The following CCDC150 variants were observed in gnomAD, a reference collection of about 807,000 sequenced individuals.
The protein encoded by CCDC150 is coiled-coil domain containing 150.
CCDC150 carries 151 observed loss-of-function variants against 156.5 expected under a neutral mutation model. The ratio of observed to expected loss-of-function variants is 0.97; its 90% confidence interval spans 0.85 to 1.10. The LOEUF (loss-of-function observed/expected upper bound fraction) is 1.10, where lower values mean the gene tolerates loss of function less well. Ranked by LOEUF, CCDC150 falls within the 50% of genes least tolerant of loss-of-function variation. The probability of loss-of-function intolerance (pLI) is 0.00; values close to 1 mark genes in which losing one functional copy is unlikely to be tolerated. For synonymous variants in CCDC150, 452 were observed against 429.4 expected, an observed-to-expected ratio of 1.05 and a Z score of -0.65; for missense variants, 1,312 against 1,268.1, an observed-to-expected ratio of 1.03 and a Z score of -0.53.
Position 196,674,313 on chromosome 2 carries a change from GC to G in CCDC150, c.1104del (p.Arg369GlufsTer12). 1 of 1,603,368 alleles carries G rather than the reference GC, an allele frequency of 6.2e-7. No individual in the cohort carries two copies. The highest frequency in any genetic ancestry group is 8.5e-7 in the Non-Finnish European group (1 of 1,174,538). On this transcript the variant is annotated frameshift_variant, in exon 10 of 28. Transcript: ENST00000389175. LOFTEE classifies it high-confidence loss of function. ...GCTTCAGACTGTTACTATGGAAAAAGCCAGAATCATTGCTGACCATCAGGCC... is the reference window on the plus strand; with the variant it reads ...GCTTCAGACTGTTACTATGGAAAAAGCAGAATCATTGCTGACCATCAGGCC... ...CMLQTVTMEK[A>X]RIIADHQAIL...
intron 19 of CCDC150, 195 bp downstream of exon 19, chr2:196,719,861 C>T: frequency 2.4e-6 from 1 of 421,180 alleles, no homozygotes; most frequent in Non-Finnish European, 4.2e-6. Flanking sequence ...ATTCAAAATG[C>T]CCCTATTGTG....
chr2:196,646,358 A>G lies in CCDC150; in HGVS notation c.30A>G (p.Thr10=). Residue 10 remains threonine, a synonymous_variant, in exon 2 of 28, where the codon ACA becomes ACG. Transcript: ENST00000389175. ...ATTCTTAGGTACATATGGAAACTAC[A>G]GTGTCCAGACCGGTCCTTTCTCCAA... MDCKVHMET[T]VSRPVLSPTH... is the part of the protein sequence containing the mutation. 1 of 1,613,838 alleles carries G rather than the reference A, an allele frequency of 6.2e-7. No individual in the cohort carries two copies.
chr2:196,643,400 G>A (rs1692352380), intron 1 of CCDC150, among the ~76,000 whole-genome samples: 1 of 151,546 alleles, frequency 6.6e-6, no homozygotes, highest in Admixed American at 6.6e-5. Flanking sequence ...TTCCTACCGC[G>A]ACATGTTGGA....
At chr2:196,659,148 G>A (rs1341703306) in intron 5 of CCDC150, among the ~76,000 whole-genome samples, 2 of 152,068 alleles carry the variant, frequency 1.3e-5, no homozygotes, top group African/African-American at 4.8e-5. Flanking sequence ...ATAGTTAAGT[G>A]GACACTTTCT....
At chr2:196,702,646 C>T (rs1274257804) in intron 15 of CCDC150, among the ~76,000 whole-genome samples, 2 of 151,720 alleles carry the variant, frequency 1.3e-5, no homozygotes, top group African/African-American at 2.4e-5. Flanking sequence ...GCTGGGATTA[C>T]AAGAGACTTC....
At chr2:196,717,224 G>A (rs1460077767) in intron 17 of CCDC150, among the ~76,000 whole-genome samples, 3 of 151,852 alleles carry the variant, frequency 2.0e-5, no homozygotes, top group African/African-American at 7.3e-5. Context: ...TAGAAATAGA[G>A]AACAAATTAC....
rs760131851 is a variant in CCDC150, at chr2:196,666,743, A to C, written c.787A>C (p.Ile263Leu). The C allele has an allele frequency of 5.0e-6, 8 of 1,606,302 alleles. No individual in the cohort carries two copies. The African/African-American group carries it at 6.7e-5, about 14-fold the overall frequency. Residue 263 changes from isoleucine to leucine, a missense_variant, in exon 7 of 28, where the codon ATT becomes CTT. By Grantham distance (5) the Ile-to-Leu change is conservative. Coordinates refer to ENST00000389175, the MANE Select transcript of CCDC150 (RefSeq NM_001080539.2). ...KQVHILQQNC[I>L]ALRDSIQSAQ... Reference sequence around the variant, plus strand: ...GGTGCACATTTTGCAGCAAAACTGCATTGCTCTACGTGATTCTATACAGAG... The same window carrying C: ...GGTGCACATTTTGCAGCAAAACTGCCTTGCTCTACGTGATTCTATACAGAG...
chr2:196,673,251 C>A (rs1464668417), intron 9 of CCDC150, among the ~76,000 whole-genome samples: 1 of 152,078 alleles, frequency 6.6e-6, no homozygotes, highest in African/African-American at 2.4e-5. Context: ...GAAATGGAAA[C>A]TTATTCACAT....
Position 196,725,982 on chromosome 2 carries a change from G to T in CCDC150, c.2439G>T (p.Met813Ile). 3 of 1,597,294 alleles carry T rather than the reference G, an allele frequency of 1.9e-6. No individual in the cohort carries two copies. In the South Asian group the frequency reaches 3.4e-5, roughly 18 times the overall value. The part of the protein sequence containing the change: ...RQNLETFKDR[M>I]TEESKVEAEL... ...CTCTTCTTCAAAACAGAGACCGGAT[G>T]ACTGAAGAGTCCAAAGTGGAAGCAG... Residue 813 changes from methionine (M) to isoleucine (I), a missense_variant, in exon 22 of 28, where the codon ATG becomes ATT. Transcript: ENST00000389175.
chr2:196,732,369 G>A (rs553819426), intron 27 of CCDC150, 77 bp from the exon 28 acceptor site: 1 of 1,197,524 alleles, frequency 8.4e-7, no homozygotes, highest in East Asian at 2.3e-5. Context: ...TAGATGACAT[G>A]TGTAGAGGCA....
At chr2:196,647,153 GAATA>G (rs1692596084) in intron 2 of CCDC150, among the ~76,000 whole-genome samples, 1 of 151,966 alleles carries the variant, frequency 6.6e-6, no homozygotes, top group South Asian at 2.1e-4. Flanking sequence ...AATACCCATG[GAATA>G]AATAACCCTT....
At chr2:196,721,485 A>G (rs1478574394) in intron 20 of CCDC150, 37 bp from the exon 21 acceptor site, 10 of 1,545,914 alleles carry the variant, frequency 6.5e-6, no homozygotes, top group Non-Finnish European at 8.8e-6. Context: ...GCATCTGTCC[A>G]TTACAGTGGA....
Position 196,726,024 on chromosome 2 carries a change from C to A in CCDC150, c.2481C>A (p.Arg827=), listed in dbSNP as rs778151641. ...TGGAAGCAGAATTGCATGCTGAACGCATAGAAGCTCTAAGAAAGCAGTTTC... is the reference window on the plus strand; with the variant it reads ...TGGAAGCAGAATTGCATGCTGAACGAATAGAAGCTCTAAGAAAGCAGTTTC... ...SKVEAELHAE[R]IEALRKQFQT... is the part of the protein sequence containing the mutation. Residue 827 remains arginine, a synonymous_variant, in exon 22 of 28, where the codon CGC becomes CGA. Coordinates refer to ENST00000389175, the MANE Select transcript of CCDC150 (RefSeq NM_001080539.2). 6.2e-6 allele frequency: 10 copies of A among 1,609,264 alleles called. No individual in the cohort carries two copies. Among genetic ancestry groups the A allele is most frequent in the African/African-American group, 1.3e-5 (1 of 74,988 alleles).
intron 10 of CCDC150, among the ~76,000 whole-genome samples, chr2:196,674,870 C>T (rs1019406890): frequency 6.6e-6 from 1 of 152,130 alleles, no homozygotes; most frequent in African/African-American, 2.4e-5. Context: ...TTTTTGTAAG[C>T]ATACTTACTA....
chr2:196,672,927 A>G (rs1694290835), intron 9 of CCDC150, among the ~76,000 whole-genome samples: 1 of 152,166 alleles, frequency 6.6e-6, no homozygotes, highest in South Asian at 2.1e-4. Context: ...ATCTGCAACA[A>G]AAAGTCACCA....
At chr2:196,724,487 G>A (rs992059343) in intron 21 of CCDC150, among the ~76,000 whole-genome samples, 4 of 152,070 alleles carry the variant, frequency 2.6e-5, no homozygotes, top group African/African-American at 7.2e-5. Context: ...GATATGTTGG[G>A]TAATATGCTA....
intron 13 of CCDC150, among the ~76,000 whole-genome samples, chr2:196,684,779 A>T (rs1278910283): frequency 6.6e-6 from 1 of 152,024 alleles, no homozygotes; most frequent in East Asian, 1.9e-4. Flanking sequence ...ATGAGTAAAC[A>T]CTTTTTCAGT....
Position 196,653,491 on chromosome 2 carries a change from G to A in CCDC150, c.177-3142G>A, listed in dbSNP as rs542667460. 1.2e-4 allele frequency among the ~76,000 whole-genome samples: 19 copies of A among 152,302 alleles called. No homozygotes were observed. In the Middle Eastern group the frequency reaches 0.014, roughly 109 times the overall value. ...GCCAAGTTCTTTGCTAGGGTGTCAC[G>A]TGAGTGACCTTTACTCTTATTTTCC... On this transcript the variant is annotated intron_variant, in intron 2 of 27. Transcript: ENST00000389175.
chr2:196,712,288 T>C, intron 16 of CCDC150, 36 bp downstream of exon 16: 1 of 1,173,986 alleles, frequency 8.5e-7, no homozygotes, highest in South Asian at 1.5e-5. Flanking sequence ...ATTGCTGCTA[T>C]ATTTCGTTTT....
Sources: gnomAD v4.1 joint callset for allele counts (sites outside exome capture counted in the v4.1 genomes callset) on GRCh38, gnomAD v4.1.1 for gene constraint, MANE v1.5 for transcripts, NCBI Gene and HGNC (gene_info 2026-07-23, HGNC 2026-07-21) for gene names.